Variants in NOTCH3 observed in about 807,000 individuals in gnomAD.
NOTCH3 encodes the protein notch receptor 3, also known as neurogenic locus notch homolog protein 3.
NOTCH3 carries 86 observed loss-of-function variants against 213.3 expected under a neutral mutation model. The ratio of observed to expected loss-of-function variants is 0.40; its 90% CI spans 0.34 to 0.48. The LOEUF (loss-of-function observed/expected upper bound fraction) is 0.48, where lower values mean the gene tolerates loss of function less well. Among genes scored for constraint, NOTCH3 ranks in the 20% least tolerant of loss-of-function variants. NOTCH3 has a pLI of 0.57. For synonymous variants in NOTCH3, 1,354 were observed against 1,355.9 expected (o/e 1.00, Z 0.03); for missense variants, 2,783 against 3,272.6 (o/e 0.85, Z 3.65).
intron 8 of NOTCH3, among the ~76,000 whole-genome samples, chr19:15,188,558 G>A (rs2046902575): frequency 1.3e-5 from 2 of 152,114 alleles, no homozygotes; most frequent in East Asian, 1.9e-4. Flanking sequence ...ATGGGTGTCC[G>A]CAGAGGCCTT....
chr19:15,174,378 C>G lies in NOTCH3; in HGVS notation c.4426G>C (p.Ala1476Pro). 1 of 1,536,190 alleles carries G rather than the reference C, an allele frequency of 6.5e-7. No homozygotes were observed. Among genetic ancestry groups the G allele is most frequent in the Non-Finnish European group, 8.8e-7 (1 of 1,136,998 alleles). The change falls in exon 25 of 33, where the codon GCC (alanine) becomes CCC (proline). Residue 1476 changes from alanine to proline, a missense_variant. Ala to Pro is a conservative substitution (Grantham distance 27). This residue lies in a region of NOTCH3 where 636 missense variants were observed against 801.8 expected (regional missense o/e 0.79). Coordinates refer to ENST00000263388, the MANE Select transcript of NOTCH3 (RefSeq NM_000435.3). ...CAGCGGCCGTCGGCAAAGTGGTCGG[C>G]GCAGTACTTCTCGTACACCGGGCTG... ...TCNPVYEKYC[A>P]DHFADGRCDQ... is the part of the protein sequence containing the mutation.
intron 31 of NOTCH3, among the ~76,000 whole-genome samples, chr19:15,163,343 C>T (rs1322167489): frequency 6.6e-6 from 1 of 152,220 alleles, no homozygotes; most frequent in Non-Finnish European, 1.5e-5. Flanking sequence ...CCCTACCTCA[C>T]ACTTTATACA....
At chr19:15,166,670 C>A (rs1030067868) in intron 29 of NOTCH3, among the ~76,000 whole-genome samples, 15 of 152,196 alleles carry the variant, frequency 9.9e-5, no homozygotes, top group African/African-American at 3.6e-4. Context: ...AAAGATGGAT[C>A]TAAGAGGATC....
intron 2 of NOTCH3, among the ~76,000 whole-genome samples, chr19:15,195,728 G>A (rs970983627): frequency 4.0e-5 from 6 of 151,790 alleles, no homozygotes; most frequent in African/African-American, 1.5e-4. Flanking sequence ...GTCGGGAGGG[G>A]GCGCGCTGCG....
rs1049824758 is a variant in NOTCH3, at chr19:15,187,290, T to C, written c.1655A>G (p.Asp552Gly). 1 of 1,613,900 alleles carries C rather than the reference T, an allele frequency of 6.2e-7. No homozygotes were observed. Among genetic ancestry groups the C allele is most frequent in the African/African-American group, 1.3e-5 (1 of 74,904 alleles). ...CDRNVDDCSP[D>G]PCHHGRCVDG... is the part of the protein sequence containing the mutation. ...CACGCAGCGACCATGGTGGCATGGG[T>C]CAGGGGAGCAGTCGTCCACGTTGCG... is the stretch of plus-strand genomic sequence containing the variant. The change falls in exon 11 of 33, where the codon GAC becomes GGC. Residue 552 changes from aspartate to glycine, a missense_variant. Coordinates refer to ENST00000263388, the MANE Select transcript of NOTCH3 (RefSeq NM_000435.3).
At chr19:15,184,876 A>T (rs2046868165) in intron 15 of NOTCH3, 30 bp downstream of exon 15, 1 of 1,207,948 alleles carries the variant, frequency 8.3e-7, no homozygotes, top group Non-Finnish European at 1.2e-6. Context: ...GGAGATGGAG[A>T]GGAGGAGGGA....
In NOTCH3 at chr19:15,180,006, A is replaced by G. The variant is rs943744506; in HGVS notation, c.3327+66T>C. 7 of 1,114,490 alleles carry G rather than the reference A, an allele frequency of 6.3e-6. No individual in the cohort carries two copies. In the African/African-American group the frequency reaches 1.1e-4, roughly 17 times the overall value. 69.0% of individuals were successfully genotyped at this position (1,114,490 alleles called of 1,614,324 possible). The stretch of plus-strand genomic sequence containing the variant: ...CATACCCATACCAAGCCACACAGAA[A>G]TGTGTGCCCAGACGCACCCAAGCAT... On this transcript the variant is annotated intron_variant, in intron 20 of 32. Coordinates refer to ENST00000263388, the MANE Select transcript of NOTCH3 (RefSeq NM_000435.3).
At chr19:15,198,908 A>C (rs2046989769) in intron 1 of NOTCH3, among the ~76,000 whole-genome samples, 1 of 140,276 alleles carries the variant, frequency 7.1e-6, no homozygotes, top group Admixed American at 7.0e-5. Context: ...AGACTGTCTC[A>C]AAAAAAAAAA....
Position 15,179,504 on chromosome 19 carries a change from G to C in NOTCH3, c.3328-8C>G. 4 of 1,613,682 alleles carry C rather than the reference G, an allele frequency of 2.5e-6. No individual in the cohort carries two copies. Among genetic ancestry groups the C allele is most frequent in the Non-Finnish European group, 3.4e-6 (4 of 1,179,982 alleles). On this transcript the variant is annotated splice_region_variant and splice_polypyrimidine_tract_variant and intron_variant, in intron 20 of 32. Coordinates refer to ENST00000263388, the MANE Select transcript of NOTCH3 (RefSeq NM_000435.3). ...ATTGTAGCCAGGAAGACACTTCAGTGGGGTAAGAGAGGGACCCACTCAGCT... is the reference window on the plus strand; with the variant it reads ...ATTGTAGCCAGGAAGACACTTCAGTCGGGTAAGAGAGGGACCCACTCAGCT...
intron 5 of NOTCH3, 33 bp from the exon 6 acceptor site, chr19:15,191,690 T>C: frequency 6.2e-7 from 1 of 1,613,456 alleles, no homozygotes; most frequent in Non-Finnish European, 8.5e-7. Flanking sequence ...TCCAGCCACC[T>C]GGCGCATGTC....
Position 15,189,022 on chromosome 19 carries a change from G to T in NOTCH3, c.1345C>A (p.Arg449Ser). The T allele has an allele frequency of 6.2e-7, 1 of 1,612,338 alleles. No homozygotes were observed. The highest frequency in any genetic ancestry group is 8.5e-7 in the Non-Finnish European group (1 of 1,179,700). ...PCRNQATCLD[R>S]IGQFTCICMA... Reference sequence around the variant, plus strand: ...CAGATACAGGTGAACTGGCCTATGCGGTCGAGGCACGTGGCCTGGTTTCGG... The same window carrying T: ...CAGATACAGGTGAACTGGCCTATGCTGTCGAGGCACGTGGCCTGGTTTCGG... The change falls in exon 8 of 33, where the codon CGC becomes AGC. Residue 449 changes from arginine (R) to serine (S), a missense_variant. Arg to Ser is a moderately radical substitution (Grantham distance 110). Coordinates refer to ENST00000263388, the MANE Select transcript of NOTCH3 (RefSeq NM_000435.3).
intron 16 of NOTCH3, 56 bp from the exon 17 acceptor site, chr19:15,181,857 T>G (rs2046844989): frequency 1.4e-6 from 2 of 1,402,586 alleles, no homozygotes; most frequent in South Asian, 2.5e-5. Context: ...TAGCCCAGTC[T>G]GACTGGGATA....
At chr19:15,191,381 T>A in intron 6 of NOTCH3, 43 bp downstream of exon 6, 1 of 1,559,424 alleles carries the variant, frequency 6.4e-7, no homozygotes. Flanking sequence ...TTGCCCTCAC[T>A]AAAAACCATC....
chr19:15,170,200 G>C (rs1482897503), intron 27 of NOTCH3, 30 bp from the exon 28 acceptor site: 2 of 1,554,650 alleles, frequency 1.3e-6, no homozygotes, highest in East Asian at 4.5e-5. Flanking sequence ...GGGGATGTGA[G>C]GGGGACACTA....
Position 15,167,405 on chromosome 19 carries a change from C to T in NOTCH3, c.5206G>A (p.Glu1736Lys). 6.2e-7 allele frequency: 1 copy of T among 1,605,318 alleles called. No individual in the cohort carries two copies. Among genetic ancestry groups the T allele is most frequent in the Non-Finnish European group, 8.5e-7 (1 of 1,179,992 alleles). ...GCCTCCTCAGCCCCCATGCCTGGCTCCTCTACCTGGAGGGGCAGGCACCCT... is the reference window on the plus strand; with the variant it reads ...GCCTCCTCAGCCCCCATGCCTGGCTTCTCTACCTGGAGGGGCAGGCACCCT... ...CPEAKRLKVE[E>K]PGMGAEEAVD... Residue 1736 changes from glutamate to lysine, a missense_variant, in exon 29 of 33, where the codon GAG becomes AAG. Around this residue, in one of 6 missense-constraint regions of NOTCH3, gnomAD observed 636 missense variants for 801.8 expected, o/e 0.79. Coordinates refer to ENST00000263388, the MANE Select transcript of NOTCH3 (RefSeq NM_000435.3).
In NOTCH3 at chr19:15,188,374, A is replaced by C. The variant is rs553221159; in HGVS notation, c.1379-26T>G. 3 of 1,446,984 alleles carry C rather than the reference A, an allele frequency of 2.1e-6. No individual in the cohort carries two copies. The East Asian group carries it at 6.9e-5, about 33-fold the overall frequency. The allele number at this position is 1,446,984 out of a possible 1,614,324, so 89.6% of individuals were successfully genotyped here. A position where few individuals can be genotyped will look rare whatever the true frequency, so the allele number is the denominator to read the frequency against. On this transcript the variant is annotated intron_variant, in intron 8 of 32. Coordinates refer to ENST00000263388, the MANE Select transcript of NOTCH3 (RefSeq NM_000435.3). ...CTGGGGCAGGGAATAGGGCTTAGGA[A>C]AGCGGGGGCTACCCTATGGTGTGAA...
chr19:15,173,935 G>C (rs773468596), intron 25 of NOTCH3, 133 bp downstream of exon 25: 1 of 756,708 alleles, frequency 1.3e-6, no homozygotes. Context: ...TTTTTTGCTT[G>C]TCACAGCCAG....
In NOTCH3 at chr19:15,180,266, G is replaced by A; in HGVS notation, c.3143-10C>T. On this transcript the variant is annotated splice_polypyrimidine_tract_variant and intron_variant, in intron 19 of 32. Transcript: ENST00000263388. ...TGCTCCAGCCGCACCCCTGCAAAGA[G>A]GAGAGTGGCACAGGAACAGAGGTAA... is the stretch of plus-strand genomic sequence containing the variant. 6.2e-7 allele frequency: 1 copy of A among 1,613,616 alleles called. No homozygotes were observed. The highest frequency in any genetic ancestry group is 8.5e-7 in the Non-Finnish European group (1 of 1,179,976).
intron 20 of NOTCH3, 129 bp downstream of exon 20, chr19:15,179,943 A>G: frequency 1.5e-6 from 1 of 654,308 alleles, no homozygotes; most frequent in Admixed American, 2.5e-5. Context: ...CAGATACACC[A>G]AGAGTCACAA....
Sources: gnomAD v4.1 joint callset for allele counts (sites outside exome capture counted in the v4.1 genomes callset) on GRCh38, gnomAD v4.1.1 for gene constraint, gnomAD v4.1.1 regional missense constraint, MANE v1.5 for transcripts, NCBI Gene and HGNC (gene_info 2026-07-23, HGNC 2026-07-21) for gene names.